The following ERMP1 variants were observed in gnomAD, a reference collection of about 807,000 sequenced individuals.
ERMP1 encodes the protein Felix-ina.
In ERMP1, 86 loss-of-function variants were observed where a neutral mutation model predicts 92.0. That is an observed-to-expected ratio of 0.93 (90% CI 0.79 to 1.12). The LOEUF (loss-of-function observed/expected upper bound fraction) is 1.12. Ranked by LOEUF, ERMP1 falls within the 50% of genes most tolerant of loss-of-function variation. The pLI, the probability that ERMP1 is intolerant of heterozygous loss-of-function variation, is 0.00. For synonymous variants in ERMP1, 530 were observed against 412.8 expected, an observed-to-expected ratio of 1.28 and a Z score of -3.44; for missense variants, 1,342 against 1,116.3, an observed-to-expected ratio of 1.20 and a Z score of -2.88.
At chr9:5,831,707 C>G (rs1202046343) in intron 1 of ERMP1, among the ~76,000 whole-genome samples, 1 of 152,164 alleles carries the variant, frequency 6.6e-6, no homozygotes, top group Admixed American at 6.5e-5. Context: ...CTTTAAGTAG[C>G]AGAAACCAAT....
At chr9:5,866,091 G>C (rs1481246281) in intron 5 of ERMP1, among the ~76,000 whole-genome samples, 1 of 152,034 alleles carries the variant, frequency 6.6e-6, no homozygotes, top group Non-Finnish European at 1.5e-5. Flanking sequence ...TTGTACGGTA[G>C]AATATAAATG....
intron 4 of ERMP1, among the ~76,000 whole-genome samples, chr9:5,822,308 C>T (rs1573118): frequency 0.3 from 46,218 of 151,884 alleles, 7,599 homozygotes; most frequent in East Asian, 0.5. Flanking sequence ...TGTATCTACT[C>T]ACTCTTGTAG....
intron 13 of ERMP1, among the ~76,000 whole-genome samples, chr9:5,788,449 G>C (rs1302027085): frequency 3.9e-5 from 6 of 152,190 alleles, no homozygotes; most frequent in African/African-American, 7.2e-5. Context: ...TTTGGCATTT[G>C]GGTGGTGAAG....
At chr9:5,800,847 TAC>T (rs1233617624) in intron 11 of ERMP1, among the ~76,000 whole-genome samples, 16 of 152,358 alleles carry the variant, frequency 1.1e-4, no homozygotes, top group Admixed American at 7.8e-4. Flanking sequence ...TCAGCCTGTA[TAC>T]ATTTTTACAA....
chr9:5,848,677 A>G (rs1319399131), intron 6 of ERMP1, among the ~76,000 whole-genome samples: 1 of 138,346 alleles, frequency 7.2e-6, no homozygotes, highest in Non-Finnish European at 1.6e-5. Flanking sequence ...ACTGAGTTAA[A>G]TGACCTCTCT....
intron 13 of ERMP1, among the ~76,000 whole-genome samples, chr9:5,796,225 G>A (rs1828418969): frequency 3.3e-5 from 5 of 152,276 alleles, no homozygotes; most frequent in Admixed American, 2.6e-4. Context: ...AAGTTTACAT[G>A]GAAAGGCAAA....
chr9:5,804,252 C>A (rs1301853198), intron 10 of ERMP1, among the ~76,000 whole-genome samples: 1 of 152,166 alleles, frequency 6.6e-6, no homozygotes, highest in South Asian at 2.1e-4. Context: ...AAGAGACCTG[C>A]ATTCTCTGGA....
intron 1 of ERMP1, 109 bp from the exon 2 acceptor site, chr9:5,831,137 C>A (rs2129692765): frequency 1.3e-6 from 1 of 786,048 alleles, no homozygotes. Context: ...TAGTTCTTTG[C>A]CTTATATAAA....
At chr9:5,797,743 G>T in intron 13 of ERMP1, 74 bp downstream of exon 13, 2 of 897,874 alleles carry the variant, frequency 2.2e-6, no homozygotes, top group South Asian at 3.1e-5. Context: ...TATATCTGAG[G>T]GAAAAACATA....
rs1454263668 is a variant in ERMP1, at chr9:5,861,168, GGGGTGTGTGT to G, written n.3056-1567_3056-1558del. Among the ~76,000 whole-genome samples, 18 of 117,638 alleles carry G rather than the reference GGGGTGTGTGT, an allele frequency of 1.5e-4. 2 individuals carry two copies. Among genetic ancestry groups the G allele is most frequent in the African/African-American group, 6.4e-4 (18 of 28,306 alleles). The allele number at this position is 117,638 out of a possible 152,430, so 77.2% of individuals were successfully genotyped here. A position where few individuals can be genotyped will look rare whatever the true frequency, so the allele number is the denominator to read the frequency against. On this transcript the variant is annotated intron_variant and non_coding_transcript_variant, in intron 5 of 6. Transcript: ENST00000690753. ...AGGCAGTGAACCCACAATGGCTTAGGGGGTGTGTGTGTGTGTGTGTGTGTGTGTGTGTGTG... is the reference window on the plus strand; with the variant it reads ...AGGCAGTGAACCCACAATGGCTTAGGGTGTGTGTGTGTGTGTGTGTGTGTG...
intron 6 of ERMP1, chr9:5,856,185 A>C: frequency 3.5e-6 from 1 of 284,202 alleles, no homozygotes; most frequent in Non-Finnish European, 7.2e-6. Flanking sequence ...AGTCCTCAGA[A>C]AACCATCTGG....
chr9:5,821,317 C>A (rs1157419932), intron 4 of ERMP1, among the ~76,000 whole-genome samples: 1 of 152,186 alleles, frequency 6.6e-6, no homozygotes, highest in Non-Finnish European at 1.5e-5. Flanking sequence ...CCTAGTCCTC[C>A]ATTCCAGTCA....
At chr9:5,831,451 C>G in intron 1 of ERMP1, among the ~76,000 whole-genome samples, 1 of 152,028 alleles carries the variant, frequency 6.6e-6, no homozygotes, top group Admixed American at 6.5e-5. Context: ...TCTAAAACTA[C>G]AAAAACTAGC....
At chr9:5,859,057 C>T (rs946150707) in intron 6 of ERMP1, among the ~76,000 whole-genome samples, 2 of 152,196 alleles carry the variant, frequency 1.3e-5, no homozygotes, top group Non-Finnish European at 2.9e-5. Context: ...AGCTTAGTAA[C>T]CTATTCCAAA....
At chr9:5,810,275 A>AGG in intron 7 of ERMP1, 44 bp from the exon 8 acceptor site, 1 of 1,425,396 alleles carries the variant, frequency 7.0e-7, no homozygotes. Context: ...ATCTTCATCA[A>AGG]ATCAGTTATA....
At position 5,825,119 on chromosome 9, in the gene ERMP1, A is replaced by G. The variant is rs1829685249; in HGVS notation, c.741T>C (p.Phe247=). 18 of 1,614,038 alleles carry G rather than the reference A, an allele frequency of 1.1e-5. No individual in the cohort carries two copies. In the East Asian group the frequency reaches 4.0e-4, roughly 36 times the overall value. The change falls in exon 3 of 15, where the codon TTT becomes TTC. Residue 247 remains phenylalanine, a synonymous_variant. Coordinates refer to ENST00000339450, the MANE Select transcript of ERMP1 (RefSeq NM_024896.3). ...EALHHAVIFL[F]NGAEENVLQA... Reference sequence around the variant, plus strand: ...GCAAGACATTTTCCTCAGCACCATTAAAGAGAAATATGACAGCATGATGCA... The same window carrying G: ...GCAAGACATTTTCCTCAGCACCATTGAAGAGAAATATGACAGCATGATGCA...
At chr9:5,806,992 G>A (rs1323545756) in intron 8 of ERMP1, among the ~76,000 whole-genome samples, 2 of 152,140 alleles carry the variant, frequency 1.3e-5, no homozygotes, top group African/African-American at 2.4e-5. Flanking sequence ...TATTAACACT[G>A]CGTTGATCAA....
In ERMP1 at chr9:5,785,840, A is replaced by C. The variant is rs1203114369; in HGVS notation, c.*1304T>G. 1 of 152,166 alleles carries C rather than the reference A, an allele frequency of 6.6e-6. No homozygotes were observed. The highest frequency in any genetic ancestry group is 1.5e-5 in the Non-Finnish European group (1 of 68,026). The allele number at this position is 152,166 out of a possible 1,614,324, so 9.4% of individuals were successfully genotyped here. On this transcript the variant is annotated 3_prime_UTR_variant, in exon 15 of 15. Transcript: ENST00000339450. ...CCTTGTTAAAACTCAAAATTTGTCC[A>C]ACGTTTCACATTTCCTAATGATAAA...
intron 11 of ERMP1, 63 bp downstream of exon 11, chr9:5,801,113 T>G: frequency 1.3e-6 from 2 of 1,535,212 alleles, no homozygotes; most frequent in Non-Finnish European, 1.8e-6. Context: ...TATTCACTAC[T>G]GAAGCTCAAA....
Sources: gnomAD v4.1 joint callset for allele counts (sites outside exome capture counted in the v4.1 genomes callset) on GRCh38, gnomAD v4.1.1 for gene constraint, MANE v1.5 for transcripts, NCBI Gene and HGNC (gene_info 2026-07-23, HGNC 2026-07-21) for gene names.